SPECC1: variants seen among roughly 807,000 people sequenced by gnomAD.
SPECC1 encodes the protein sperm antigen with calponin homology and coiled-coil domains 1.
In SPECC1, 62 loss-of-function variants were observed where a neutral mutation model predicts 104.1. The observed-to-expected ratio is 0.60, with a 90% confidence interval of 0.49 to 0.74. The LOEUF (loss-of-function observed/expected upper bound fraction) is 0.74. Ranked by LOEUF, SPECC1 falls within the 30% of genes least tolerant of loss-of-function variation. The probability of loss-of-function intolerance (pLI) is 0.00; values close to 1 mark genes in which losing one functional copy is unlikely to be tolerated. For synonymous variants in SPECC1, 513 were observed against 501.6 expected (o/e 1.02, Z -0.30); for missense variants, 1,306 against 1,310.5 (o/e 1.00, Z 0.05).
chr17:20,101,649 C>G (rs2047950279), intron 2 of SPECC1, among the ~76,000 whole-genome samples: 1 of 152,090 alleles, frequency 6.6e-6, no homozygotes, highest in African/African-American at 2.4e-5. Flanking sequence ...TTTGCGAGGC[C>G]CAGGTCTATT....
At chr17:20,196,119 C>G (rs1179203744) in intron 3 of SPECC1, among the ~76,000 whole-genome samples, 1 of 152,204 alleles carries the variant, frequency 6.6e-6, no homozygotes, top group Non-Finnish European at 1.5e-5. Context: ...TTTATTCTAA[C>G]TTAAAGCAAT....
intron 3 of SPECC1, chr17:20,155,841 G>A (rs996722076): frequency 2.0e-5 from 18 of 896,348 alleles, no homozygotes; most frequent in Non-Finnish European, 2.3e-5. Flanking sequence ...CCCACGGCGC[G>A]GGGCCTTCTG....
At chr17:20,196,154 C>G (rs990077712) in intron 3 of SPECC1, among the ~76,000 whole-genome samples, 3 of 152,186 alleles carry the variant, frequency 2.0e-5, no homozygotes, top group African/African-American at 7.2e-5. Context: ...GGCAAAAAAC[C>G]CATATTCCCA....
chr17:20,205,019 T>G lies in SPECC1; in HGVS notation c.970T>G (p.Leu324Val). ...SSSSDVTKAS[L>V]SPDASDFEHI... ...AAGTAGCGATGTTACCAAAGCTTCT[T>G]TGTCGCCAGATGCTTCCGACTTTGA... The change falls in exon 4 of 15, where the codon TTG (leucine) becomes GTG (valine). Residue 324 changes from leucine to valine, a missense_variant. By Grantham distance (32) the Leu-to-Val change is conservative (BLOSUM62 1). Coordinates refer to ENST00000395527, the MANE Select transcript of SPECC1 (RefSeq NM_001243439.2). 2 of 1,614,162 alleles carry G rather than the reference T, an allele frequency of 1.2e-6. No individual in the cohort carries two copies. The highest frequency in any genetic ancestry group is 1.7e-6 in the Non-Finnish European group (2 of 1,180,016).
At chr17:20,053,069 C>T (rs1187173654) in intron 1 of SPECC1, among the ~76,000 whole-genome samples, 1 of 152,190 alleles carries the variant, frequency 6.6e-6, no homozygotes, top group Non-Finnish European at 1.5e-5. Flanking sequence ...TATCCCCTAT[C>T]ATTTATGTTT....
intron 3 of SPECC1, among the ~76,000 whole-genome samples, chr17:20,157,795 AT>A (rs1388383926): frequency 1.3e-5 from 2 of 152,166 alleles, no homozygotes; most frequent in Non-Finnish European, 1.5e-5. Context: ...TCATTTCAGA[AT>A]GGGAACTCTG....
intron 3 of SPECC1, among the ~76,000 whole-genome samples, chr17:20,172,945 T>C (rs2034199732): frequency 6.6e-6 from 1 of 152,216 alleles, no homozygotes; most frequent in African/African-American, 2.4e-5. Flanking sequence ...GAAAAGGCAC[T>C]CTAGGTGCAT....
At chr17:20,029,439 C>T (rs1471128713) in intron 1 of SPECC1, among the ~76,000 whole-genome samples, 1 of 152,116 alleles carries the variant, frequency 6.6e-6, no homozygotes, top group Non-Finnish European at 1.5e-5. Flanking sequence ...TTCTAAAGAT[C>T]GTATCGCCTG....
intron 3 of SPECC1, chr17:20,156,192 C>T (rs1597834575): frequency 1.4e-6 from 2 of 1,446,158 alleles, no homozygotes; most frequent in Middle Eastern, 2.2e-4. Flanking sequence ...CCGAGTCGGC[C>T]AAGCATGGGC....
At chr17:20,275,542 A>T (rs2040548583) in intron 12 of SPECC1, among the ~76,000 whole-genome samples, 2 of 152,238 alleles carry the variant, frequency 1.3e-5, no homozygotes, top group South Asian at 4.1e-4. Context: ...TGACAAATGA[A>T]AACCTGAAAA....
chr17:20,265,955 C>T (rs1017442738), intron 12 of SPECC1, among the ~76,000 whole-genome samples: 77 of 152,118 alleles, frequency 5.1e-4, no homozygotes, highest in Non-Finnish European at 1.0e-4. Context: ...TATACCAGTG[C>T]CATGCTGTTT....
At chr17:20,124,620 T>C (rs1393720368) in intron 3 of SPECC1, among the ~76,000 whole-genome samples, 1 of 152,214 alleles carries the variant, frequency 6.6e-6, no homozygotes. Flanking sequence ...TCGGTATAGA[T>C]GCTCCTCCAC....
At chr17:20,166,333 T>C (rs566716428) in intron 3 of SPECC1, among the ~76,000 whole-genome samples, 13 of 152,334 alleles carry the variant, frequency 8.5e-5, no homozygotes, top group East Asian at 5.8e-4. Context: ...ATGGTTAATA[T>C]ATTGATCTAT....
chr17:20,297,824 A>C (rs79974592), intron 13 of SPECC1, among the ~76,000 whole-genome samples: 1 of 152,228 alleles, frequency 6.6e-6, no homozygotes. Flanking sequence ...GCTGTTGGTC[A>C]CTCAAGAATT....
chr17:20,066,500 A>G (rs2046362151), intron 1 of SPECC1, among the ~76,000 whole-genome samples: 1 of 152,096 alleles, frequency 6.6e-6, no homozygotes, highest in Non-Finnish European at 1.5e-5. Context: ...GAGCTTGGCT[A>G]CCCTGATACT....
Position 20,266,316 on chromosome 17 carries a change from A to T in SPECC1, c.2940+6022A>T, listed in dbSNP as rs187863044. Among the ~76,000 whole-genome samples the T allele has an allele frequency of 1.4e-3, 206 of 152,080 alleles. 1 individual carries two copies. The highest frequency in any genetic ancestry group is 2.4e-3 in the Non-Finnish European group (160 of 67,986). ...TAGGTGCTGGGGGCCGGGCGCGGTG[A>T]CTCACGCCTGTAATCCCAGCACTTT... On this transcript the variant is annotated intron_variant, in intron 12 of 14. Coordinates refer to ENST00000395527, the MANE Select transcript of SPECC1 (RefSeq NM_001243439.2).
chr17:20,270,287 T>G (rs927089849), intron 12 of SPECC1, among the ~76,000 whole-genome samples: 12 of 150,562 alleles, frequency 8.0e-5, no homozygotes, highest in South Asian at 6.2e-4. Context: ...AATTTTACCT[T>G]AATTTTTTTT....
In SPECC1 at chr17:20,238,408, C is replaced by G. The variant is rs189370038; in HGVS notation, c.2351+6003C>G. ...GCAACCTCCATCAGGCAGAAACCTT[C>G]TGCAATCCTCACATGAGGAACTGGT... is the stretch of plus-strand genomic sequence containing the variant. On this transcript the variant is annotated intron_variant, in intron 7 of 14. Transcript: ENST00000395527. 6.7e-4 allele frequency: 700 copies of G among 1,041,416 alleles called. 4 individuals are homozygous for G. In the African/African-American group the frequency reaches 0.011, roughly 16 times the overall value. The allele number at this position is 1,041,416 out of a possible 1,614,324, so 64.5% of individuals were successfully genotyped here. A position where few individuals can be genotyped will look rare whatever the true frequency, so the allele number is the denominator to read the frequency against.
At chr17:20,178,719 A>G (rs752494361) in intron 3 of SPECC1, among the ~76,000 whole-genome samples, 12 of 152,222 alleles carry the variant, frequency 7.9e-5, no homozygotes, top group Non-Finnish European at 1.8e-4. Context: ...TAAGGGATCT[A>G]TGTAGGAGAC....
Sources: gnomAD v4.1 joint callset for allele counts (sites outside exome capture counted in the v4.1 genomes callset) on GRCh38, gnomAD v4.1.1 for gene constraint, MANE v1.5 for transcripts, NCBI Gene and HGNC (gene_info 2026-07-23, HGNC 2026-07-21) for gene names.